The following WDR59 variants were observed in gnomAD, a reference collection of about 807,000 sequenced individuals.
WDR59 encodes GATOR2 complex protein WDR59.
WDR59 carries 100 observed loss-of-function variants against 131.2 expected under a neutral mutation model. That is an observed-to-expected ratio of 0.76 (90% CI 0.65 to 0.90). WDR59 has a LOEUF of 0.90. Ranked by LOEUF, WDR59 falls within the 40% of genes least tolerant of loss-of-function variation. WDR59 has a pLI of 0.00. For missense variants in WDR59, 1,203 were observed against 1,262.2 expected (o/e 0.95, Z 0.71); for synonymous variants, 601 against 466.2 (o/e 1.29, Z -3.72).
At position 74,893,791 on chromosome 16, in the gene WDR59, T is replaced by C; in HGVS notation, c.1888A>G (p.Lys630Glu). The change falls in exon 19 of 26, where the codon AAG (lysine) becomes GAG (glutamate). Residue 630 changes from lysine (K) to glutamate (E), a missense_variant. Transcript: ENST00000262144. Reference protein sequence around the residue: ...KERKSRRWKSKREGSDSGNRQ... With the variant: ...KERKSRRWKSEREGSDSGNRQ... ...TTGCCAGAGTCTGATCCCTCACGCTTACTTTTCCATCGTCTTGATTTCTAG... is the reference window on the plus strand; with the variant it reads ...TTGCCAGAGTCTGATCCCTCACGCTCACTTTTCCATCGTCTTGATTTCTAG... 1 of 1,614,170 alleles carries C rather than the reference T, an allele frequency of 6.2e-7. No homozygotes were observed. The highest frequency in any genetic ancestry group is 8.5e-7 in the Non-Finnish European group (1 of 1,180,020).
rs189709858 is a variant in WDR59, at chr16:74,929,899, G to A, written c.652-5896C>T. ...TACAACAACATGGAAGGAACTAGAG[G>A]ACATTATGTTCAGTGAAACAAGCCA... is the stretch of plus-strand genomic sequence containing the variant. On this transcript the variant is annotated intron_variant, in intron 8 of 25. Coordinates refer to ENST00000262144, the MANE Select transcript of WDR59 (RefSeq NM_030581.4). Among the ~76,000 whole-genome samples the A allele has an allele frequency of 4.8e-3, 729 of 152,280 alleles. 1 individual carries two copies. Among genetic ancestry groups the A allele is most frequent in the Middle Eastern group, 0.02 (6 of 294 alleles).
chr16:74,958,371 C>T (rs2033394640), intron 2 of WDR59, among the ~76,000 whole-genome samples: 1 of 151,614 alleles, frequency 6.6e-6, no homozygotes, highest in African/African-American at 2.4e-5. Context: ...GGGTGGATAG[C>T]CTCAGGTCAG....
At position 74,980,853 on chromosome 16, in the gene WDR59, C is replaced by A. The variant is rs561414735; in HGVS notation, c.54+4111G>T. On this transcript the variant is annotated intron_variant, in intron 1 of 25. Coordinates refer to ENST00000262144, the MANE Select transcript of WDR59 (RefSeq NM_030581.4). ...CGGTGTGGTGGGGCACGCCTGTAAT[C>A]CCAGCTACTCAGGAGGCAGGAGAAG... Among the ~76,000 whole-genome samples, 26 of 151,828 alleles carry A rather than the reference C, an allele frequency of 1.7e-4. No individual in the cohort carries two copies. The South Asian group carries it at 5.0e-3, about 29-fold the overall frequency.
rs1434863148 is a variant in WDR59, at chr16:74,912,345, C to G, written c.1242G>C (p.Arg414Ser). ...TGCAGTGCACAGACACTGTGCAGCT[C>G]CTGTCTGCCGCATCCATCTGCAAGA... Reference protein sequence around the residue: ...NVNVEMDAADRSCTVSVHCSN... With the variant: ...NVNVEMDAADSSCTVSVHCSN... The change falls in exon 14 of 26, where the codon AGG (arginine) becomes AGC (serine). Residue 414 changes from arginine (R) to serine (S), a missense_variant. By Grantham distance (110) the Arg-to-Ser change is moderately radical (BLOSUM62 -1). Transcript: ENST00000262144. The G allele has an allele frequency of 6.2e-7, 1 of 1,613,438 alleles. No homozygotes were observed. The highest frequency in any genetic ancestry group is 1.1e-5 in the South Asian group (1 of 91,050).
intron 8 of WDR59, among the ~76,000 whole-genome samples, chr16:74,928,155 C>T (rs2031035113): frequency 6.6e-6 from 1 of 151,212 alleles, no homozygotes; most frequent in Admixed American, 6.6e-5. Context: ...ATCCACTCAC[C>T]CCAGCCTCCC....
At chr16:74,903,906 G>A in intron 18 of WDR59, 41 bp downstream of exon 18, 1 of 1,577,504 alleles carries the variant, frequency 6.3e-7, no homozygotes, top group Admixed American at 1.8e-5. Flanking sequence ...AAGAATCCAG[G>A]AGAAGGGGTA....
intron 3 of WDR59, among the ~76,000 whole-genome samples, chr16:74,951,984 T>G (rs74026630): frequency 0.014 from 2,074 of 151,944 alleles, 43 homozygotes; most frequent in African/African-American, 0.046. Flanking sequence ...TACCACAGGT[T>G]TTTGTTTTTT....
Position 74,906,317 on chromosome 16 carries a change from A to AAAAAAAAAAACAAAAAAAAAAC in WDR59, c.1713-2218_1713-2217insGTTTTTTTTTTGTTTTTTTTTT, listed in dbSNP as rs1269848287. ...CGACAGAGCAAGACTCCGTCTCAAA[A>AAAAAAAAAAACAAAAAAAAAAC]AAAAAAAAACCCACAGTGAGATACT... is the stretch of plus-strand genomic sequence containing the variant. On this transcript the variant is annotated intron_variant, in intron 17 of 25. Coordinates refer to ENST00000262144, the MANE Select transcript of WDR59 (RefSeq NM_030581.4). Among the ~76,000 whole-genome samples the AAAAAAAAAAACAAAAAAAAAAC allele has an allele frequency of 2.8e-5, 4 of 144,244 alleles. 1 individual carries two copies. The South Asian group carries it at 9.4e-4, about 34-fold the overall frequency. 94.6% of individuals were successfully genotyped at this position (144,244 alleles called of 152,430 possible). A position where few individuals can be genotyped will look rare whatever the true frequency, so the allele number is the denominator to read the frequency against.
chr16:74,929,170 G>T (rs13331828), intron 8 of WDR59, among the ~76,000 whole-genome samples: 1 of 152,136 alleles, frequency 6.6e-6, no homozygotes, highest in South Asian at 2.1e-4. Context: ...GTCCTCCCGG[G>T]TTCATGCCAT....
chr16:74,956,675 A>C, intron 2 of WDR59, 65 bp from the exon 3 acceptor site: 1 of 1,568,424 alleles, frequency 6.4e-7, no homozygotes, highest in South Asian at 1.2e-5. Context: ...AAGATAGAAA[A>C]GCACAATTGG....
intron 11 of WDR59, among the ~76,000 whole-genome samples, chr16:74,916,769 G>T (rs1220868015): frequency 5.3e-5 from 8 of 150,194 alleles, no homozygotes; most frequent in African/African-American, 2.0e-4. Flanking sequence ...TGAGGCAGGA[G>T]AATCACTTGA....
At chr16:74,886,042 G>T in intron 24 of WDR59, 1 of 658,428 alleles carries the variant, frequency 1.5e-6, no homozygotes, top group Non-Finnish European at 2.5e-6. Context: ...GCCAGTCATG[G>T]TGGCGTGTGC....
At chr16:74,955,386 T>G (rs1451088475) in intron 3 of WDR59, among the ~76,000 whole-genome samples, 1 of 152,108 alleles carries the variant, frequency 6.6e-6, no homozygotes, top group East Asian at 1.9e-4. Context: ...AACAAGCCAG[T>G]AGTGCCAAGG....
chr16:74,922,014 G>C lies in WDR59; in HGVS notation c.819C>G (p.Thr273=). 1.2e-6 allele frequency: 2 copies of C among 1,614,156 alleles called. No individual in the cohort carries two copies. The highest frequency in any genetic ancestry group is 1.7e-6 in the Non-Finnish European group (2 of 1,180,032). ...LLLWNVFDLN[T]PVHTFVGHDD... ...CATGCCCCACGAAGGTGTGGACTGG[G>C]GTGTTCAAGTCAAAGACATTCCACA... Residue 273 remains threonine, a synonymous_variant, in exon 10 of 26, where the codon ACC becomes ACG. Coordinates refer to ENST00000262144, the MANE Select transcript of WDR59 (RefSeq NM_030581.4).
intron 1 of WDR59, among the ~76,000 whole-genome samples, chr16:74,976,989 G>A (rs563343228): frequency 1.7e-4 from 26 of 152,162 alleles, no homozygotes; most frequent in African/African-American, 6.3e-4. Context: ...GCGACATTGC[G>A]AGACCCTGTC....
intron 8 of WDR59, among the ~76,000 whole-genome samples, chr16:74,934,400 G>C (rs1597745056): frequency 6.6e-6 from 1 of 152,122 alleles, no homozygotes; most frequent in Middle Eastern, 3.4e-3. Flanking sequence ...ATTAATTAGA[G>C]GACCCTGGAG....
chr16:74,945,434 G>GCA, intron 6 of WDR59, among the ~76,000 whole-genome samples: 4 of 151,836 alleles, frequency 2.6e-5, no homozygotes, highest in Non-Finnish European at 5.9e-5. Flanking sequence ...CTGAGATCAT[G>GCA]CCACTGCACT....
At chr16:74,899,729 C>T (rs755856479) in intron 18 of WDR59, 12 of 1,289,138 alleles carry the variant, frequency 9.3e-6, no homozygotes, top group South Asian at 8.6e-5. Context: ...TATGGACCAA[C>T]GCCGCCGGGC....
chr16:74,938,100 T>C, intron 8 of WDR59, 50 bp downstream of exon 8: 1 of 1,289,338 alleles, frequency 7.8e-7, no homozygotes, highest in Non-Finnish European at 1.1e-6. Flanking sequence ...CATACATCCC[T>C]GATGCCACCC....
Sources: allele counts gnomAD v4.1 joint callset (sites outside exome capture counted in the v4.1 genomes callset), GRCh38; gene constraint gnomAD v4.1.1; transcripts MANE v1.5; gene names NCBI Gene and HGNC (gene_info 2026-07-23, HGNC 2026-07-21).